The following LINGO2 variants were observed in gnomAD, a reference collection of about 807,000 sequenced individuals.
LINGO2 encodes leucine rich repeat and Ig domain containing 2.
In LINGO2, 14 loss-of-function variants were observed where a neutral mutation model predicts 30.6. The observed-to-expected ratio is 0.46, with a 90% CI of 0.30 to 0.72. The LOEUF is 0.72. Ranked by LOEUF, LINGO2 falls within the 30% of genes least tolerant of loss-of-function variation. The pLI is 0.07. For missense variants in LINGO2, 729 were observed against 751.7 expected, an observed-to-expected ratio of 0.97 and a Z score of 0.35; for synonymous variants, 317 against 288.5, an observed-to-expected ratio of 1.10 and a Z score of -1.00.
the LINGO2 span, among the ~76,000 whole-genome samples, chr9:28,739,953 T>A: frequency 0.039 from 5,878 of 149,764 alleles, 272 homozygotes; most frequent in African/African-American, 0.11. Context: ...TATATATATT[T>A]TTTTTTTCTA....
At position 28,514,121 on chromosome 9, in the gene LINGO2, A is replaced by T. The variant is rs138471251; in HGVS notation, c.-364-38096T>A. Reference sequence around the variant, plus strand: ...CTAGAAATTATGCCCATATAAGACAATGAACTTGATCAATAAATGTGTGTC... The same window carrying T: ...CTAGAAATTATGCCCATATAAGACATTGAACTTGATCAATAAATGTGTGTC... On this transcript the variant is annotated intron_variant, in intron 1 of 5. Coordinates refer to ENST00000379992, the Ensembl canonical transcript of LINGO2. Among the ~76,000 whole-genome samples the T allele has an allele frequency of 2.6e-4, 40 of 152,310 alleles. No homozygotes were observed. In the East Asian group the frequency reaches 7.5e-3, roughly 29 times the overall value.
chr9:28,488,921 C>G (rs7046114), intron 1 of LINGO2, among the ~76,000 whole-genome samples: 100,897 of 152,010 alleles, frequency 0.66, 33,933 homozygotes, highest in South Asian at 0.75. Context: ...AAATGTTCGA[C>G]CAATAAACAA....
At chr9:28,672,529 C>T (rs886490668), upstream of LINGO2, among the ~76,000 whole-genome samples, 4 of 152,146 alleles carry the variant, frequency 2.6e-5, no homozygotes, top group African/African-American at 9.7e-5. Flanking sequence ...TTGGATATCT[C>T]AGCATACAAA....
intron 4 of LINGO2, among the ~76,000 whole-genome samples, chr9:28,137,639 T>C (rs1827555751): frequency 1.3e-5 from 2 of 152,226 alleles, no homozygotes; most frequent in South Asian, 4.1e-4. Flanking sequence ...CATGAAAAAG[T>C]GAATATGTAT....
chr9:28,920,931 A>G, the LINGO2 span, among the ~76,000 whole-genome samples: 3 of 152,204 alleles, frequency 2.0e-5, no homozygotes, highest in African/African-American at 7.2e-5. Flanking sequence ...GATGGTTATG[A>G]AGATTACAAA....
At chr9:28,751,489 C>A in the LINGO2 span, among the ~76,000 whole-genome samples, 61 of 151,926 alleles carry the variant, frequency 4.0e-4, no homozygotes, top group African/African-American at 1.4e-3. Flanking sequence ...ATGAACATGG[C>A]CCATATTAAC....
chr9:28,009,579 G>T (rs1822452205), intron 5 of LINGO2, among the ~76,000 whole-genome samples: 1 of 152,028 alleles, frequency 6.6e-6, no homozygotes, highest in African/African-American at 2.4e-5. Flanking sequence ...CTCCCAAGAA[G>T]ATTTTAAAAT....
chr9:28,677,334 G>A, the LINGO2 span, among the ~76,000 whole-genome samples: 5 of 152,154 alleles, frequency 3.3e-5, no homozygotes, highest in Admixed American at 2.0e-4. Context: ...TTAAAAATGC[G>A]ATAGAGTGGC....
At chr9:28,372,137 G>A (rs553713268) in intron 3 of LINGO2, among the ~76,000 whole-genome samples, 6 of 152,226 alleles carry the variant, frequency 3.9e-5, no homozygotes, top group Non-Finnish European at 7.4e-5. Flanking sequence ...ATATGAAAAT[G>A]TTACATACTT....
At chr9:28,231,469 A>AT (rs1216544985) in intron 4 of LINGO2, among the ~76,000 whole-genome samples, 1 of 152,048 alleles carries the variant, frequency 6.6e-6, no homozygotes, top group Non-Finnish European at 1.5e-5. Flanking sequence ...GAAATGTTTA[A>AT]TTTTTTAAAA....
At chr9:28,548,103 G>A (rs1288621662) in intron 1 of LINGO2, among the ~76,000 whole-genome samples, 1 of 152,100 alleles carries the variant, frequency 6.6e-6, no homozygotes, top group Non-Finnish European at 1.5e-5. Flanking sequence ...CCCTAGAGAT[G>A]TTAAGGAAAC....
rs75593237 is a variant in LINGO2, at chr9:27,998,285, C to T, written c.-36+14070G>A. ...CTGACTCTTTTGGAATGCTCACTTT[C>T]GGTGAAGCCAGCTGCCATGTAAAAA... On this transcript the variant is annotated intron_variant, in intron 5 of 5. Transcript: ENST00000379992. Among the ~76,000 whole-genome samples, 348 of 152,258 alleles carry T rather than the reference C, an allele frequency of 2.3e-3. 1 individual carries two copies. The highest frequency in any genetic ancestry group is 7.9e-3 in the African/African-American group (327 of 41,562).
At chr9:28,862,296 A>C in the LINGO2 span, among the ~76,000 whole-genome samples, 1 of 152,120 alleles carries the variant, frequency 6.6e-6, no homozygotes, top group Non-Finnish European at 1.5e-5. Flanking sequence ...TAAATACTGA[A>C]GAATTAAAGG....
At chr9:28,188,274 A>G (rs1005930804) in intron 4 of LINGO2, among the ~76,000 whole-genome samples, 8 of 97,580 alleles carry the variant, frequency 8.2e-5, no homozygotes, top group African/African-American at 2.7e-4. Context: ...TGTTTCTCTC[A>G]TAGTCCACAT....
chr9:28,499,566 A>T (rs988612025), intron 1 of LINGO2, among the ~76,000 whole-genome samples: 10 of 152,218 alleles, frequency 6.6e-5, no homozygotes, highest in African/African-American at 2.4e-4. Flanking sequence ...TTCCCATTTG[A>T]CAGCTGAATG....
At chr9:28,427,347 G>A (rs1823456527) in intron 2 of LINGO2, among the ~76,000 whole-genome samples, 1 of 152,070 alleles carries the variant, frequency 6.6e-6, no homozygotes. Context: ...CTGCTTAAGA[G>A]ATATGAAGGC....
At chr9:28,174,577 C>T (rs1828690105) in intron 4 of LINGO2, among the ~76,000 whole-genome samples, 1 of 152,140 alleles carries the variant, frequency 6.6e-6, no homozygotes, top group Non-Finnish European at 1.5e-5. Flanking sequence ...ATCACATTTC[C>T]TTTTAGACAT....
chr9:28,357,334 G>C (rs965693387), intron 3 of LINGO2, among the ~76,000 whole-genome samples: 4 of 115,414 alleles, frequency 3.5e-5, no homozygotes, highest in African/African-American at 1.4e-4. Flanking sequence ...CCCCAAAAAA[G>C]AAAGCACCAA....
the LINGO2 span, among the ~76,000 whole-genome samples, chr9:28,964,722 G>A: frequency 6.6e-6 from 1 of 152,026 alleles, no homozygotes; most frequent in East Asian, 1.9e-4. Context: ...GTCAATGAGG[G>A]TGAACATGAG....
Sources: gnomAD v4.1 joint callset for allele counts (sites outside exome capture counted in the v4.1 genomes callset) on GRCh38, gnomAD v4.1.1 for gene constraint, MANE v1.5 for transcripts, NCBI Gene and HGNC (gene_info 2026-07-23, HGNC 2026-07-21) for gene names.